SUPT20H: variants seen among roughly 807,000 people sequenced by gnomAD.
The protein encoded by SUPT20H is transcription factor SPT20 homolog.
SUPT20H carries 82 observed loss-of-function variants against 122.8 expected under a neutral mutation model. The observed-to-expected ratio is 0.67, with a 90% confidence interval of 0.56 to 0.80. SUPT20H has a LOEUF of 0.80. SUPT20H is among the 30% of genes least tolerant of loss of function. SUPT20H has a pLI of 0.00. For synonymous variants in SUPT20H, 291 were observed against 313.0 expected (o/e 0.93, Z 0.74); for missense variants, 831 against 921.6 (o/e 0.90, Z 1.27).
chr13:37,047,359 C>A, intron 5 of SUPT20H, 176 bp downstream of exon 5: 1 of 563,940 alleles, frequency 1.8e-6, no homozygotes, highest in Non-Finnish European at 2.8e-6. Context: ...AGCAGGTGAT[C>A]TCTGCCTGGT....
chr13:37,021,181 C>T (rs1257340484), intron 21 of SUPT20H, among the ~76,000 whole-genome samples: 1 of 152,134 alleles, frequency 6.6e-6, no homozygotes, highest in Non-Finnish European at 1.5e-5. Context: ...GACAATAAGG[C>T]TACCAAAATT....
At chr13:37,015,560 G>A (rs572482158) in intron 23 of SUPT20H, among the ~76,000 whole-genome samples, 1 of 151,558 alleles carries the variant, frequency 6.6e-6, no homozygotes, top group Non-Finnish European at 1.5e-5. Context: ...TGGACAAATC[G>A]AGATCTCTGT....
At chr13:37,044,302 G>T in intron 6 of SUPT20H, 121 bp from the exon 7 acceptor site, 2 of 630,538 alleles carry the variant, frequency 3.2e-6, no homozygotes, top group Non-Finnish European at 4.8e-6. Flanking sequence ...ACCAAGCAAG[G>T]ATCAAAAAAA....
At chr13:37,015,841 G>C (rs1252131750) in intron 23 of SUPT20H, among the ~76,000 whole-genome samples, 2 of 152,162 alleles carry the variant, frequency 1.3e-5, no homozygotes, top group Non-Finnish European at 2.9e-5. Context: ...TATTCACCAT[G>C]AAAAAGGAAG....
At chr13:37,046,677 T>C (rs1437981618) in intron 5 of SUPT20H, among the ~76,000 whole-genome samples, 1 of 152,164 alleles carries the variant, frequency 6.6e-6, no homozygotes, top group African/African-American at 2.4e-5. Context: ...ACTGACATGA[T>C]GAATATGTAC....
chr13:37,032,456 C>T (rs1444947649), intron 10 of SUPT20H, among the ~76,000 whole-genome samples: 1 of 152,176 alleles, frequency 6.6e-6, no homozygotes, highest in African/African-American at 2.4e-5. Flanking sequence ...GAGATGTGGT[C>T]ACAAGACAAA....
At chr13:37,046,884 T>C (rs1260452934) in intron 5 of SUPT20H, 1 of 152,332 alleles carries the variant, frequency 6.6e-6, no homozygotes, top group African/African-American at 2.4e-5. Context: ...AGTTAGACAC[T>C]ACTGGAATTC....
chr13:37,025,286 C>G lies in SUPT20H; in HGVS notation c.1329+34G>C, dbSNP rs1336146838. On this transcript the variant is annotated intron_variant, in intron 17 of 25. Coordinates refer to ENST00000350612, the MANE Select transcript of SUPT20H (RefSeq NM_001014286.3). ...ATTTCTCAGATTACTTGTGAAACAA[C>G]TGGGCACAAAGAAGTAACATTAATG... is the stretch of plus-strand genomic sequence containing the variant. 5 of 1,495,566 alleles carry G rather than the reference C, an allele frequency of 3.3e-6. No homozygotes were observed. The South Asian group carries it at 5.6e-5, about 17-fold the overall frequency. The allele number at this position is 1,495,566 out of a possible 1,614,324, so 92.6% of individuals were successfully genotyped here. A position where few individuals can be genotyped will look rare whatever the true frequency, so the allele number is the denominator to read the frequency against.
chr13:37,010,720 G>A (rs954441965), intron 24 of SUPT20H, 65 bp from the exon 25 acceptor site: 11 of 1,111,914 alleles, frequency 9.9e-6, no homozygotes, highest in African/African-American at 4.7e-5. Flanking sequence ...GGTTAGAAAA[G>A]GACAACATAG....
intron 2 of SUPT20H, among the ~76,000 whole-genome samples, chr13:37,049,059 A>G (rs1302947864): frequency 6.6e-6 from 1 of 152,166 alleles, no homozygotes; most frequent in Non-Finnish European, 1.5e-5. Context: ...TTAATGAAAA[A>G]AACCTACAAC....
chr13:37,026,658 C>A, intron 15 of SUPT20H, 132 bp downstream of exon 15: 1 of 596,060 alleles, frequency 1.7e-6, no homozygotes, highest in Non-Finnish European at 2.8e-6. Context: ...ATAACAGATC[C>A]TTAGAATATA....
At position 37,022,174 on chromosome 13, in the gene SUPT20H, A is replaced by C; in HGVS notation, c.1592-94T>G. ...CTTTGCTGCTGAGCAAACTGAGTTA[A>C]CAAAGTGGGCTGAGGGGTGAAGCCT... On this transcript the variant is annotated intron_variant, in intron 19 of 25. Coordinates refer to ENST00000350612, the MANE Select transcript of SUPT20H (RefSeq NM_001014286.3). This position sits in a 1 kb window ranked among gnomAD's most constrained non-coding sequence, Gnocchi z 4.5. The C allele has an allele frequency of 6.2e-7, 1 of 1,613,208 alleles. No homozygotes were observed. The highest frequency in any genetic ancestry group is 8.5e-7 in the Non-Finnish European group (1 of 1,179,558).
Position 37,022,386 on chromosome 13 carries a change from T to C in SUPT20H, c.1592-306A>G. On this transcript the variant is annotated intron_variant, in intron 19 of 25. Transcript: ENST00000350612. The surrounding 1 kb of genome is among the most constrained non-coding windows in gnomAD (Gnocchi z 4.5). Reference sequence around the variant, plus strand: ...GCCAGTCCTTTTAAAATAAGGTTAATGGAATCTTACTTAGCACTGACAATT... The same window carrying C: ...GCCAGTCCTTTTAAAATAAGGTTAACGGAATCTTACTTAGCACTGACAATT... 7.5e-7 allele frequency: 1 copy of C among 1,341,892 alleles called. No homozygotes were observed. Among genetic ancestry groups the C allele is most frequent in the South Asian group, 2.2e-5 (1 of 45,406 alleles). 83.1% of individuals were successfully genotyped at this position (1,341,892 alleles called of 1,614,324 possible). A position where few individuals can be genotyped will look rare whatever the true frequency, so the allele number is the denominator to read the frequency against.
intron 9 of SUPT20H, 47 bp downstream of exon 9, chr13:37,040,358 T>TC: frequency 2.0e-6 from 3 of 1,476,644 alleles, no homozygotes; most frequent in Non-Finnish European, 2.7e-6. Context: ...TAATTTTTTT[T>TC]CATCCTATAT....
In SUPT20H at chr13:37,021,425, G is replaced by A. The variant is rs775081527; in HGVS notation, c.1816+23C>T. 3.2e-6 allele frequency: 5 copies of A among 1,564,424 alleles called. No individual in the cohort carries two copies. The African/African-American group carries it at 6.9e-5, about 21-fold the overall frequency. ...GCATATACTTTAATTTTTTTTAGAG[G>A]TTATTATTTCCAACATTCTGACCTG... On this transcript the variant is annotated intron_variant, in intron 21 of 25. Transcript: ENST00000350612.
rs960224395 is a variant in SUPT20H at position 37,040,584 on chromosome 13, T to C, written c.505A>G (p.Thr169Ala). 1.2e-6 allele frequency: 2 copies of C among 1,613,604 alleles called. No individual in the cohort carries two copies. The change falls in exon 8 of 26, where the codon ACA (threonine) becomes GCA (alanine). Residue 169 changes from threonine (T) to alanine (A), a missense_variant. By Grantham distance (58) the Thr-to-Ala change is moderately conservative. Coordinates refer to ENST00000350612, the MANE Select transcript of SUPT20H (RefSeq NM_001014286.3). Reference protein sequence around the residue: ...YQSRHILLRPTMQTLICDVHS... With the variant: ...YQSRHILLRPAMQTLICDVHS... ...TAATTAAACATCCTTACCTGCATTGTTGGACGTAAGAGAATGTGCCGACTT... is the reference window on the plus strand; with the variant it reads ...TAATTAAACATCCTTACCTGCATTGCTGGACGTAAGAGAATGTGCCGACTT...
intron 9 of SUPT20H, among the ~76,000 whole-genome samples, chr13:37,035,332 G>A (rs1047811860): frequency 8.5e-5 from 13 of 152,102 alleles, no homozygotes; most frequent in Admixed American, 7.2e-4. Context: ...ATGAGTTTGG[G>A]AGAAGTTGAT....
At chr13:37,012,124 G>A in intron 24 of SUPT20H, 68 bp downstream of exon 24, 1 of 1,224,202 alleles carries the variant, frequency 8.2e-7, no homozygotes, top group Non-Finnish European at 1.2e-6. Flanking sequence ...AATAATTTAA[G>A]CGGTGAGATC....
chr13:37,055,747 A>G (rs1412061344), intron 1 of SUPT20H, among the ~76,000 whole-genome samples: 1 of 152,268 alleles, frequency 6.6e-6, no homozygotes, highest in Non-Finnish European at 1.5e-5. Context: ...CAATAGCAAC[A>G]AAAGCCAAAA....
Sources: gnomAD v4.1 joint callset for allele counts (sites outside exome capture counted in the v4.1 genomes callset) on GRCh38, gnomAD v4.1.1 for gene constraint, Gnocchi (gnomAD v3.1) non-coding constraint, MANE v1.5 for transcripts, NCBI Gene and HGNC (gene_info 2026-07-23, HGNC 2026-07-21) for gene names.